The following NAV3 variants were observed in gnomAD, a reference collection of about 807,000 sequenced individuals.
NAV3 encodes the protein pore membrane and/or filament interacting like protein 1.
NAV3 carries 87 observed loss-of-function variants against 244.7 expected under a neutral mutation model. The ratio of observed to expected loss-of-function variants is 0.36; its 90% CI spans 0.30 to 0.42. The LOEUF (loss-of-function observed/expected upper bound fraction) is 0.42. Ranked by LOEUF, NAV3 falls within the 20% of genes least tolerant of loss-of-function variation. The probability of loss-of-function intolerance (pLI) is 1.00; values close to 1 mark genes in which losing one functional copy is unlikely to be tolerated. For missense variants in NAV3, 2,663 were observed against 2,893.3 expected (o/e 0.92, Z 1.83); for synonymous variants, 1,126 against 1,042.2 (o/e 1.08, Z -1.55).
chr12:77,833,194 T>A (rs1189972837), intron 1 of NAV3, among the ~76,000 whole-genome samples: 1 of 152,248 alleles, frequency 6.6e-6, no homozygotes, highest in Non-Finnish European at 1.5e-5. Flanking sequence ...GGATAATTTA[T>A]TTGTATCTCC....
chr12:78,144,864 G>A (rs1956787118), intron 20 of NAV3, among the ~76,000 whole-genome samples: 1 of 142,532 alleles, frequency 7.0e-6, no homozygotes, highest in Non-Finnish European at 1.5e-5. Context: ...GGGCTACAGT[G>A]AGTTGTGAAT....
intron 2 of NAV3, among the ~76,000 whole-genome samples, chr12:77,654,879 C>G (rs1873014198): frequency 6.6e-6 from 1 of 150,476 alleles, no homozygotes; most frequent in African/African-American, 2.5e-5. Context: ...CAAACTCCAA[C>G]AGACCTGCAG....
chr12:78,148,615 A>G (rs1956956178), intron 21 of NAV3, among the ~76,000 whole-genome samples: 1 of 152,132 alleles, frequency 6.6e-6, no homozygotes, highest in South Asian at 2.1e-4. Flanking sequence ...GGAGCAAGTG[A>G]GCGTACTTTG....
At chr12:77,971,377 A>C (rs1183961476) in intron 5 of NAV3, among the ~76,000 whole-genome samples, 1 of 152,218 alleles carries the variant, frequency 6.6e-6, no homozygotes, top group East Asian at 1.9e-4. Flanking sequence ...ACCCGAATAT[A>C]GAAGAGTTCA....
At chr12:78,180,841 T>A (rs2139730607) in intron 29 of NAV3, 30 bp from the exon 30 acceptor site, 1 of 1,578,740 alleles carries the variant, frequency 6.3e-7, no homozygotes, top group Middle Eastern at 1.7e-4. Context: ...ACCAACTCAG[T>A]TTTTTTCATG....
chr12:77,963,798 T>TA (rs141040984), intron 3 of NAV3, among the ~76,000 whole-genome samples: 5,785 of 151,938 alleles, frequency 0.038, 204 homozygotes, highest in African/African-American at 0.095. Flanking sequence ...AAAGAATGTA[T>TA]TATCGATCAT....
intron 2 of NAV3, among the ~76,000 whole-genome samples, chr12:77,584,263 C>T (rs751555100): frequency 5.3e-5 from 8 of 152,110 alleles, no homozygotes; most frequent in Non-Finnish European, 8.8e-5. Context: ...TGCTATGGCA[C>T]AAAGAAGAAA....
At chr12:77,593,715 C>T (rs777578477) in intron 2 of NAV3, among the ~76,000 whole-genome samples, 1 of 149,732 alleles carries the variant, frequency 6.7e-6, no homozygotes, top group Non-Finnish European at 1.5e-5. Flanking sequence ...ACCTCGTGAT[C>T]TGCCTGCCTT....
chr12:78,186,016 A>G (rs750405696), intron 31 of NAV3, among the ~76,000 whole-genome samples: 2 of 151,860 alleles, frequency 1.3e-5, no homozygotes, highest in Admixed American at 6.6e-5. Context: ...CTTATTTGTT[A>G]TAGGTAATGT....
chr12:78,025,595 C>CAAAAAAAAAA (rs1186694789), intron 9 of NAV3, among the ~76,000 whole-genome samples: 1 of 55,576 alleles, frequency 1.8e-5, no homozygotes, highest in African/African-American at 7.6e-5. Context: ...GACTCCATCT[C>CAAAAAAAAAA]AAAAAAAAAA....
intron 23 of NAV3, among the ~76,000 whole-genome samples, chr12:78,168,127 C>T (rs1335782823): frequency 1.3e-5 from 2 of 151,446 alleles, no homozygotes; most frequent in Non-Finnish European, 3.0e-5. Flanking sequence ...GTTGCTTTGG[C>T]TTGGTGAGAC....
chr12:77,774,589 TA>T (rs1565808557), intron 2 of NAV3, among the ~76,000 whole-genome samples: 1 of 152,078 alleles, frequency 6.6e-6, no homozygotes, highest in Non-Finnish European at 1.5e-5. Context: ...TAGAAAATAA[TA>T]AAATTGAATT....
At chr12:78,154,739 A>C (rs1344781980) in intron 22 of NAV3, among the ~76,000 whole-genome samples, 1 of 151,922 alleles carries the variant, frequency 6.6e-6, no homozygotes, top group Admixed American at 6.6e-5. Context: ...GAACCAAATA[A>C]ACTGTCATTA....
chr12:78,138,064 AG>A (rs1259237595), intron 19 of NAV3, among the ~76,000 whole-genome samples: 1 of 152,162 alleles, frequency 6.6e-6, no homozygotes, highest in Non-Finnish European at 1.5e-5. Flanking sequence ...GAATTTTTTT[AG>A]TATCCATAAA....
rs1445881509 is a variant in NAV3 at position 77,854,788 on chromosome 12, A to G, written c.243+23084A>G. 2.0e-5 allele frequency among the ~76,000 whole-genome samples: 3 copies of G among 152,300 alleles called. No individual in the cohort carries two copies. The East Asian group carries it at 5.8e-4, about 29-fold the overall frequency. ...ACAAATGAGATCATATACCGTCTAA[A>G]TATTTTAAGTGTAAGCATTTATTAC... On this transcript the variant is annotated intron_variant, in intron 1 of 39. Transcript: ENST00000397909.
At chr12:77,675,442 C>A (rs955576242) in intron 2 of NAV3, among the ~76,000 whole-genome samples, 1 of 152,080 alleles carries the variant, frequency 6.6e-6, no homozygotes, top group Non-Finnish European at 1.5e-5. Flanking sequence ...AAGGCCCACC[C>A]GGAATAGCAA....
At chr12:78,012,016 C>G (rs745820048) in intron 8 of NAV3, among the ~76,000 whole-genome samples, 3 of 151,786 alleles carry the variant, frequency 2.0e-5, no homozygotes, top group Non-Finnish European at 4.4e-5. Context: ...CACTTCCCAC[C>G]AGGTCCCTCC....
intron 26 of NAV3, among the ~76,000 whole-genome samples, chr12:78,176,674 G>A (rs1227827766): frequency 6.6e-6 from 1 of 152,102 alleles, no homozygotes; most frequent in African/African-American, 2.4e-5. Flanking sequence ...CTGGTTTTGA[G>A]TAGTCTGGGG....
intron 23 of NAV3, among the ~76,000 whole-genome samples, chr12:78,166,116 T>C (rs1370106555): frequency 6.6e-6 from 1 of 151,902 alleles, no homozygotes. Context: ...AATATATTCA[T>C]CAACAACTAA....
Sources: gnomAD v4.1 joint callset for allele counts (sites outside exome capture counted in the v4.1 genomes callset) on GRCh38, gnomAD v4.1.1 for gene constraint, MANE v1.5 for transcripts, NCBI Gene and HGNC (gene_info 2026-07-23, HGNC 2026-07-21) for gene names.